The following COG6 variants were observed in gnomAD, a reference collection of about 807,000 sequenced individuals.
COG6 encodes the protein component of oligomeric golgi complex 6, also known as conserved oligomeric Golgi complex subunit 6.
In COG6, 74 loss-of-function variants were observed where a neutral mutation model predicts 88.8. The ratio of observed to expected loss-of-function variants is 0.83; its 90% CI spans 0.69 to 1.01. The LOEUF (loss-of-function observed/expected upper bound fraction) is 1.01. Ranked by LOEUF, COG6 falls within the 50% of genes least tolerant of loss-of-function variation. The probability of loss-of-function intolerance (pLI) is 0.00; values close to 1 mark genes in which losing one functional copy is unlikely to be tolerated. For synonymous variants in COG6, 286 were observed against 278.7 expected, an observed-to-expected ratio of 1.03 and a Z score of -0.26; for missense variants, 800 against 797.9, an observed-to-expected ratio of 1.00 and a Z score of -0.03.
chr13:39,766,945 AGGAGAGATGAGTCACGTAAGCT>A lies in COG6; in HGVS notation c.1827-21387_1827-21366del, dbSNP rs1881183240. Among the ~76,000 whole-genome samples, 3 of 152,248 alleles carry A rather than the reference AGGAGAGATGAGTCACGTAAGCT, an allele frequency of 2.0e-5. No homozygotes were observed. In the South Asian group the frequency reaches 6.2e-4, roughly 31 times the overall value. On this transcript the variant is annotated intron_variant, in intron 18 of 18. Coordinates refer to the COG6 transcript ENST00000416691. Reference sequence around the variant, plus strand: ...CTGCATTTAAAGGCAGGTGCTTACCAGGAGAGATGAGTCACGTAAGCTGGTTAGGGTGAAGTTAAGCTCTCTA... The same window carrying A: ...CTGCATTTAAAGGCAGGTGCTTACCAGGTTAGGGTGAAGTTAAGCTCTCTA...
At chr13:39,773,123 T>C (rs1881365536) in intron 18 of COG6, among the ~76,000 whole-genome samples, 1 of 152,168 alleles carries the variant, frequency 6.6e-6, no homozygotes, top group Non-Finnish European at 1.5e-5. Context: ...CCACTCCTCT[T>C]ACCTCTCCAC....
chr13:39,685,068 G>C (rs1566178798), intron 8 of COG6, among the ~76,000 whole-genome samples: 1 of 151,938 alleles, frequency 6.6e-6, no homozygotes, highest in Non-Finnish European at 1.5e-5. Flanking sequence ...TTTCAAAGAG[G>C]CACTTCTTTA....
chr13:39,746,000 A>G (rs558144817), intron 18 of COG6, among the ~76,000 whole-genome samples: 2 of 151,752 alleles, frequency 1.3e-5, no homozygotes, highest in African/African-American at 4.8e-5. Flanking sequence ...ACCAAACACC[A>G]CGTGTTCTCA....
exon 19 of COG6, chr13:39,790,309 A>G (rs1321889502): frequency 6.6e-6 from 1 of 152,214 alleles, no homozygotes; most frequent in Non-Finnish European, 1.5e-5. Flanking sequence ...AACAAAATGC[A>G]AGGTAAAAAT....
At chr13:39,691,903 A>G (rs1280746422) in intron 11 of COG6, among the ~76,000 whole-genome samples, 1 of 151,940 alleles carries the variant, frequency 6.6e-6, no homozygotes, top group African/African-American at 2.4e-5. Context: ...TGTTATGGCT[A>G]CTTTTCTGTC....
rs371078610 is a variant in COG6 at position 39,659,329 on chromosome 13, G to A, written c.154-35G>A. The A allele has an allele frequency of 4.4e-6, 7 of 1,598,798 alleles. No individual in the cohort carries two copies. In the African/African-American group the frequency reaches 9.4e-5, roughly 21 times the overall value. ...GAGATTTGAAACCATTTAAAAATTA[G>A]TTCCAGTAACTGTCTTCTGTTACCA... On this transcript the variant is annotated intron_variant, in intron 1 of 18. Transcript: ENST00000455146.
chr13:39,761,277 C>A (rs1264896360), intron 18 of COG6, among the ~76,000 whole-genome samples: 1 of 151,926 alleles, frequency 6.6e-6, no homozygotes, highest in East Asian at 1.9e-4. Context: ...GATATCTATT[C>A]TTAAGTTACA....
At chr13:39,723,295 T>C (rs1472790119) in intron 15 of COG6, 38 bp from the exon 16 acceptor site, 1 of 1,323,012 alleles carries the variant, frequency 7.6e-7, no homozygotes, top group South Asian at 1.2e-5. Flanking sequence ...ATCAGTGTCA[T>C]TCTTCTTTTA....
chr13:39,730,875 G>T (rs1297187560), intron 18 of COG6, among the ~76,000 whole-genome samples: 2 of 150,498 alleles, frequency 1.3e-5, no homozygotes, highest in African/African-American at 2.4e-5. Flanking sequence ...AGGCTGGAGT[G>T]CAGTGGCATA....
chr13:39,724,510 C>A lies in COG6; in HGVS notation c.1695C>A (p.Gly565=), dbSNP rs1879026904. ...NTVQQHKPEQ[G]SLANMPNLDS... ...TTTTTTTTTTTTTTTTTAAATAGGG[C>A]TCTTTAGCTAATATGCCCAACCTAG... is the stretch of plus-strand genomic sequence containing the variant. The change falls in exon 17 of 19, where the codon GGC becomes GGA. Residue 565 remains glycine (G), a splice_region_variant and synonymous_variant. Transcript: ENST00000455146. The A allele has an allele frequency of 3.4e-6, 5 of 1,464,556 alleles. No homozygotes were observed. The highest frequency in any genetic ancestry group is 1.9e-5 in the Admixed American group (1 of 52,882). 90.7% of individuals were successfully genotyped at this position (1,464,556 alleles called of 1,614,324 possible).
At chr13:39,750,875 G>A in intron 18 of COG6, 71 bp from the exon 19 acceptor site, 1 of 1,170,130 alleles carries the variant, frequency 8.5e-7, no homozygotes, top group Non-Finnish European at 1.3e-6. Flanking sequence ...GAAGTGTCAA[G>A]CTGTCTTACA....
chr13:39,729,768 G>A (rs927538524), intron 18 of COG6, among the ~76,000 whole-genome samples: 6 of 152,250 alleles, frequency 3.9e-5, no homozygotes, highest in African/African-American at 1.4e-4. Flanking sequence ...TTGAATGAGA[G>A]TATAAATTAG....
rs569292449 is a variant in COG6, at chr13:39,730,773, C to CAAAAAAAAAAAAA, written c.1826+3239_1826+3251dup. Among the ~76,000 whole-genome samples, 22 of 39,466 alleles carry CAAAAAAAAAAAAA rather than the reference C, an allele frequency of 5.6e-4. 1 individual carries two copies. Among genetic ancestry groups the CAAAAAAAAAAAAA allele is most frequent in the Admixed American group, 2.1e-3 (5 of 2,430 alleles). The allele number at this position is 39,466 out of a possible 152,430, so 25.9% of individuals were successfully genotyped here. A position where few individuals can be genotyped will look rare whatever the true frequency, so the allele number is the denominator to read the frequency against. On this transcript the variant is annotated intron_variant, in intron 18 of 18. Transcript: ENST00000455146. ...TGGGCGACAGAGCAAGACTCCATCT[C>CAAAAAAAAAAAAA]AAAAAAAAAAAAAAAAAAAAAAAAA... is the stretch of plus-strand genomic sequence containing the variant.
chr13:39,761,047 T>G (rs1020507202), intron 18 of COG6, among the ~76,000 whole-genome samples: 5 of 151,952 alleles, frequency 3.3e-5, no homozygotes, highest in Non-Finnish European at 5.9e-5. Flanking sequence ...CTTATATTTC[T>G]TCAACAGCTA....
chr13:39,720,927 A>C (rs561855422), intron 15 of COG6, among the ~76,000 whole-genome samples: 2 of 152,068 alleles, frequency 1.3e-5, no homozygotes, highest in Admixed American at 6.6e-5. Context: ...CCATCCTCCC[A>C]ATGTAGCTAT....
intron 8 of COG6, among the ~76,000 whole-genome samples, chr13:39,685,491 A>T (rs1179434809): frequency 1.3e-5 from 2 of 152,160 alleles, no homozygotes; most frequent in African/African-American, 4.8e-5. Flanking sequence ...TTTACCCCCT[A>T]TTTAAAATAC....
chr13:39,699,394 A>G, intron 12 of COG6, 107 bp from the exon 13 acceptor site: 1 of 612,590 alleles, frequency 1.6e-6, no homozygotes, highest in South Asian at 2.0e-5. Context: ...TATATTTTAC[A>G]TAAAAACTTT....
chr13:39,701,371 T>C (rs1877567258), intron 13 of COG6, among the ~76,000 whole-genome samples: 1 of 151,924 alleles, frequency 6.6e-6, no homozygotes, highest in Non-Finnish European at 1.5e-5. Flanking sequence ...AAGGGAGTGA[T>C]ACATTTGGAT....
At chr13:39,680,104 T>C in intron 7 of COG6, 59 bp downstream of exon 7, 1 of 967,012 alleles carries the variant, frequency 1.0e-6, no homozygotes, top group Non-Finnish European at 1.7e-6. Context: ...TTTTTTAAAA[T>C]TTTACTTGGT....
Sources: allele counts gnomAD v4.1 joint callset (sites outside exome capture counted in the v4.1 genomes callset), GRCh38; gene constraint gnomAD v4.1.1; transcripts MANE v1.5; gene names NCBI Gene and HGNC (gene_info 2026-07-23, HGNC 2026-07-21).